Variants in SPRY3 observed in about 807,000 individuals in gnomAD.
SPRY3 encodes sprouty RTK signaling antagonist 3, also known as protein sprouty homolog 3.
Under a neutral mutation model 20.2 loss-of-function variants are expected in SPRY3, and 15 were observed. The observed-to-expected ratio is 0.74, with a 90% CI of 0.50 to 1.14. The LOEUF is 1.14. SPRY3 is among the 50% of genes most tolerant of loss of function. The probability of loss-of-function intolerance (pLI) is 0.00; values close to 1 mark genes in which losing one functional copy is unlikely to be tolerated. For missense variants in SPRY3, 364 were observed against 363.9 expected (o/e 1.00, Z 0.00); for synonymous variants, 143 against 136.5 (o/e 1.05, Z -0.33).
intron 2 of SPRY3, among the ~76,000 whole-genome samples, chrX:155,658,049 G>T (rs2067997540): frequency 8.9e-6 from 1 of 112,087 alleles, no homozygotes; most frequent in Non-Finnish European, 1.9e-5. Context: ...GTTCCTATTT[G>T]GCCTTCTTGC....
chrX:155,739,435 T>A (rs2091191063), intron 2 of SPRY3, among the ~76,000 whole-genome samples: 1 of 152,204 alleles, frequency 6.6e-6, no homozygotes, highest in Admixed American at 6.5e-5. Context: ...TTCCCCCTAG[T>A]GCAGCACATC....
At chrX:155,643,405 A>T (rs2067948304) in intron 1 of SPRY3, among the ~76,000 whole-genome samples, 1 of 111,453 alleles carries the variant, frequency 9.0e-6, no homozygotes, top group Non-Finnish European at 1.9e-5. Context: ...TGTTGTTTTT[A>T]TTCATTCAGC....
In SPRY3 at chrX:155,694,904, C is replaced by T. The variant is rs7049544; in HGVS notation, c.-282+37879C>T. 2.2e-3 allele frequency among the ~76,000 whole-genome samples: 247 copies of T among 111,281 alleles called. 3 individuals are homozygous for T. Among genetic ancestry groups the T allele is most frequent in the African/African-American group, 7.7e-3 (235 of 30,664 alleles). ...GATGAAGCTTCACTCACTTGCCTGC[C>T]GGTCACCTCTTGCTGTGTGGCCTGG... On this transcript the variant is annotated intron_variant, in intron 2 of 3. Transcript: ENST00000675360.
intron 1 of SPRY3, among the ~76,000 whole-genome samples, chrX:155,617,575 A>G (rs996119341): frequency 1.8e-5 from 2 of 111,688 alleles, no homozygotes; most frequent in Non-Finnish European, 3.8e-5. Context: ...ACGAAGGAGG[A>G]AAAGATCAGA....
intron 2 of SPRY3, among the ~76,000 whole-genome samples, chrX:155,724,043 T>A (rs1183515205): frequency 6.6e-6 from 1 of 152,200 alleles, no homozygotes; most frequent in Admixed American, 6.6e-5. Context: ...AGATAGGGAT[T>A]CCTTTCCCCA....
intron 2 of SPRY3, among the ~76,000 whole-genome samples, chrX:155,725,364 T>C (rs751574831): frequency 2.2e-4 from 34 of 152,350 alleles, no homozygotes; most frequent in African/African-American, 6.3e-4. Flanking sequence ...CCTCTTTTTC[T>C]ATTAATTGGA....
At chrX:155,736,644 T>A (rs893704035) in intron 2 of SPRY3, among the ~76,000 whole-genome samples, 1 of 152,120 alleles carries the variant, frequency 6.6e-6, no homozygotes, top group African/African-American at 2.4e-5. Flanking sequence ...GTAGTTTAAA[T>A]ATGATATGCT....
chrX:155,699,046 T>A (rs1391299986), intron 2 of SPRY3, among the ~76,000 whole-genome samples: 1 of 112,091 alleles, frequency 8.9e-6, no homozygotes, highest in African/African-American at 3.2e-5. Context: ...TGTATTGGAA[T>A]CCCTAGCCAG....
chrX:155,616,100 G>GTCTCTCTCTCTCTCTCTC lies in SPRY3; in HGVS notation c.-441+3466_-441+3483dup, dbSNP rs781921618. Among the ~76,000 whole-genome samples, 15 of 42,880 alleles carry GTCTCTCTCTCTCTCTCTC rather than the reference G, an allele frequency of 3.5e-4. 1 individual carries two copies. The highest frequency in any genetic ancestry group is 8.9e-4 in the African/African-American group (15 of 16,826). The allele number at this position is 42,880 out of a possible 115,157, so 37.2% of individuals were successfully genotyped here. ...ATTTTTCCCTGCACATTTATCTGGG[G>GTCTCTCTCTCTCTCTCTC]TCTCTCTCTCTCTCTCTCTCTCTCT... On this transcript the variant is annotated intron_variant, in intron 1 of 3. Transcript: ENST00000675360.
At chrX:155,765,033 C>T (rs1173374028) in intron 2 of SPRY3, among the ~76,000 whole-genome samples, 9 of 152,092 alleles carry the variant, frequency 5.9e-5, no homozygotes, top group Non-Finnish European at 8.8e-5. Flanking sequence ...GGCAGGTCTT[C>T]GGGGCCTCTT....
intron 2 of SPRY3, among the ~76,000 whole-genome samples, chrX:155,757,872 A>G (rs1169188421): frequency 6.6e-6 from 1 of 152,194 alleles, no homozygotes; most frequent in Non-Finnish European, 1.5e-5. Flanking sequence ...GCCCATCAGC[A>G]GTGGATTGGA....
At chrX:155,774,530 T>C (rs755044265) in exon 4 of SPRY3, 1 of 1,613,982 alleles carries the variant, frequency 6.2e-7, no homozygotes, top group South Asian at 1.1e-5. Context: ...TCTTGCTTTG[T>C]CCGCTGGGCA....
chrX:155,707,470 T>G (rs2090959729), intron 2 of SPRY3, among the ~76,000 whole-genome samples: 2 of 151,276 alleles, frequency 1.3e-5, no homozygotes, highest in Non-Finnish European at 3.0e-5. Flanking sequence ...GTGTAAAATG[T>G]TCTAAAATGT....
chrX:155,616,895 G>A (rs1474632269), intron 1 of SPRY3, among the ~76,000 whole-genome samples: 2 of 110,407 alleles, frequency 1.8e-5, no homozygotes, highest in African/African-American at 3.3e-5. Context: ...AGTTAAAACC[G>A]TCCAGTAATA....
intron 1 of SPRY3, among the ~76,000 whole-genome samples, chrX:155,624,113 G>A (rs1232209873): frequency 8.9e-6 from 1 of 112,085 alleles, no homozygotes; most frequent in Non-Finnish European, 1.9e-5. Context: ...TAGATAGGAG[G>A]CTGCTTTTTT....
intron 2 of SPRY3, among the ~76,000 whole-genome samples, chrX:155,703,603 G>A (rs1338955950): frequency 1.6e-5 from 2 of 128,168 alleles, no homozygotes; most frequent in Non-Finnish European, 3.2e-5. Flanking sequence ...GGTTTTTTGT[G>A]TCTCTATTTC....
At chrX:155,727,451 A>G (rs1240511430) in intron 2 of SPRY3, among the ~76,000 whole-genome samples, 1 of 152,130 alleles carries the variant, frequency 6.6e-6, no homozygotes, top group East Asian at 1.9e-4. Context: ...TATCAGATGT[A>G]GATTTGGTCT....
intron 2 of SPRY3, among the ~76,000 whole-genome samples, chrX:155,716,981 A>ATATAT (rs2091027297): frequency 1.6e-5 from 1 of 63,500 alleles, no homozygotes; most frequent in African/African-American, 7.3e-5. Context: ...TAAAATACAA[A>ATATAT]ATATATATAT....
intron 2 of SPRY3, among the ~76,000 whole-genome samples, chrX:155,665,091 T>C (rs993486546): frequency 1.3e-4 from 14 of 109,991 alleles, no homozygotes; most frequent in African/African-American, 4.6e-4. Flanking sequence ...AGATATAATA[T>C]GAATCAGCAG....
Sources: allele counts gnomAD v4.1 joint callset (sites outside exome capture counted in the v4.1 genomes callset), GRCh38; gene constraint gnomAD v4.1.1; transcripts MANE v1.5; gene names NCBI Gene and HGNC (gene_info 2026-07-23, HGNC 2026-07-21).